Variants in CRACR2A observed in about 807,000 individuals in gnomAD.
CRACR2A encodes the protein EF-hand calcium-binding domain-containing protein 4B.
A neutral mutation model predicts 90.5 loss-of-function variants in CRACR2A; 79 were observed. The ratio of observed to expected loss-of-function variants is 0.87; its 90% CI spans 0.73 to 1.05. CRACR2A has a LOEUF of 1.05. CRACR2A is among the 50% of genes least tolerant of loss of function. The pLI, the probability that CRACR2A is intolerant of heterozygous loss-of-function variation, is 0.00. For synonymous variants in CRACR2A, 338 were observed against 356.7 expected (o/e 0.95, Z 0.59); for missense variants, 823 against 897.2 (o/e 0.92, Z 1.06).
At chr12:3,690,888 G>A (rs1215862596) in intron 4 of CRACR2A, among the ~76,000 whole-genome samples, 8 of 152,170 alleles carry the variant, frequency 5.3e-5, no homozygotes, top group Non-Finnish European at 1.5e-5. Flanking sequence ...TCTTCTTATT[G>A]AATTGAATCC....
At chr12:3,681,829 G>T (rs1378063835) in intron 4 of CRACR2A, among the ~76,000 whole-genome samples, 1 of 152,220 alleles carries the variant, frequency 6.6e-6, no homozygotes, top group Non-Finnish European at 1.5e-5. Context: ...TAATTTGGCA[G>T]GTACATGCAT....
At chr12:3,737,705 G>T (rs1320476347) in intron 1 of CRACR2A, among the ~76,000 whole-genome samples, 2 of 152,106 alleles carry the variant, frequency 1.3e-5, no homozygotes, top group African/African-American at 4.8e-5. Context: ...TAAGTGGGGG[G>T]AAGGAGCAGT....
intron 2 of CRACR2A, chr12:3,728,529 C>T (rs1320731662): frequency 6.6e-6 from 1 of 152,256 alleles, no homozygotes; most frequent in Non-Finnish European, 1.5e-5. Context: ...TGAGGTGTGA[C>T]TTCAGAGATC....
intron 7 of CRACR2A, 83 bp from the exon 8 acceptor site, chr12:3,659,737 C>T (rs1011797085): frequency 1.8e-6 from 2 of 1,100,848 alleles, no homozygotes; most frequent in Non-Finnish European, 2.8e-6. Flanking sequence ...ACCAGTTCCC[C>T]AACTCTGGAG....
chr12:3,668,794 C>G lies in CRACR2A; in HGVS notation c.671+4652G>C, dbSNP rs190606993. 1.9e-4 allele frequency among the ~76,000 whole-genome samples: 29 copies of G among 152,278 alleles called. No individual in the cohort carries two copies. The East Asian group carries it at 5.2e-3, about 27-fold the overall frequency. On this transcript the variant is annotated intron_variant, in intron 7 of 19. Coordinates refer to ENST00000440314, the MANE Select transcript of CRACR2A (RefSeq NM_001144958.2). Reference sequence around the variant, plus strand: ...CCAGAGCACAGGGAATCACCATGGACCGGAAGTGGCTCAATAGCAGCTGGT... The same window carrying G: ...CCAGAGCACAGGGAATCACCATGGAGCGGAAGTGGCTCAATAGCAGCTGGT...
intron 11 of CRACR2A, chr12:3,648,236 T>G: frequency 8.0e-7 from 1 of 1,255,192 alleles, no homozygotes; most frequent in East Asian, 3.0e-5. Context: ...AAATGCTCAT[T>G]AAACCCAGCT....
chr12:3,721,751 A>G (rs1946181189), intron 2 of CRACR2A, among the ~76,000 whole-genome samples: 1 of 152,228 alleles, frequency 6.6e-6, no homozygotes. Context: ...ATGTACCACA[A>G]TATCAATGGT....
At chr12:3,648,802 G>A (rs1565473396) in intron 10 of CRACR2A, among the ~76,000 whole-genome samples, 189 bp from the exon 11 acceptor site, 1 of 152,176 alleles carries the variant, frequency 6.6e-6, no homozygotes, top group Non-Finnish European at 1.5e-5. Flanking sequence ...TTTGGGAGGT[G>A]AACTTATCCT....
At chr12:3,632,015 TTGGAGGTGGGGCCTGGAGGGAGGTGAC>T (rs1270346814) in intron 15 of CRACR2A, among the ~76,000 whole-genome samples, 2 of 152,250 alleles carry the variant, frequency 1.3e-5, no homozygotes, top group Admixed American at 6.5e-5. Flanking sequence ...ATCCCCAGTG[TTGGAGGTGGGGCCTGGAGGGAGGTGAC>T]TGGATCATGG....
intron 7 of CRACR2A, among the ~76,000 whole-genome samples, chr12:3,668,975 C>T (rs1340808236): frequency 9.9e-5 from 15 of 152,218 alleles, no homozygotes; most frequent in African/African-American, 2.9e-4. Flanking sequence ...CAGGCAACAA[C>T]CAATGATGCC....
chr12:3,627,535 G>C lies in CRACR2A; in HGVS notation c.1833C>G (p.Thr611=). Residue 611 remains threonine (T), a synonymous_variant, in exon 17 of 20, where the codon ACC becomes ACG. Coordinates refer to ENST00000440314, the MANE Select transcript of CRACR2A (RefSeq NM_001144958.2). ...TAGQERYRCI[T]QQFFRKADGV... ...CATCTGCCTTTCTGAAGAACTGCTG[G>C]GTGATGCACCGGTACCTGCCACAGA... is the stretch of plus-strand genomic sequence containing the variant. The C allele has an allele frequency of 6.4e-7, 1 of 1,551,630 alleles. No homozygotes were observed. Among genetic ancestry groups the C allele is most frequent in the African/African-American group, 1.4e-5 (1 of 73,156 alleles).
intron 14 of CRACR2A, among the ~76,000 whole-genome samples, chr12:3,637,356 A>C (rs1449388892): frequency 6.6e-6 from 1 of 152,264 alleles, no homozygotes; most frequent in African/African-American, 2.4e-5. Context: ...GTAGGTGCCC[A>C]GTTAATGCTT....
At chr12:3,704,096 A>G (rs1466125012) in intron 3 of CRACR2A, among the ~76,000 whole-genome samples, 3 of 152,376 alleles carry the variant, frequency 2.0e-5, no homozygotes, top group Non-Finnish European at 4.4e-5. Flanking sequence ...AAGCATGTGT[A>G]CATACAAAGA....
chr12:3,720,464 A>AAAGCAAGCAAGCAAGC (rs1236159224), intron 2 of CRACR2A, among the ~76,000 whole-genome samples: 1 of 150,792 alleles, frequency 6.6e-6, no homozygotes, highest in African/African-American at 2.5e-5. Context: ...AGAAAGAAAG[A>AAAGCAAGCAAGCAAGC]AAGCAAAAGA....
chr12:3,720,225 A>AAAAGAAAGAAAGAAAGAAAG (rs757788405), intron 2 of CRACR2A, among the ~76,000 whole-genome samples: 73 of 125,572 alleles, frequency 5.8e-4, no homozygotes, highest in African/African-American at 2.2e-3. Flanking sequence ...AGAAGAAAGA[A>AAAAGAAAGAAAGAAAGAAAG]AAAGAAAGAA....
intron 4 of CRACR2A, among the ~76,000 whole-genome samples, chr12:3,682,510 G>A (rs1315211479): frequency 6.6e-6 from 1 of 152,166 alleles, no homozygotes; most frequent in East Asian, 1.9e-4. Flanking sequence ...GATGGGGAAA[G>A]CAATATTATA....
At position 3,654,210 on chromosome 12, in the gene CRACR2A, A is replaced by G. The variant is rs769140613; in HGVS notation, c.1046+2T>C. 64 of 1,611,050 alleles carry G rather than the reference A, an allele frequency of 4.0e-5. No individual in the cohort carries two copies. Among genetic ancestry groups the G allele is most frequent in the Non-Finnish European group, 5.4e-5 (64 of 1,179,084 alleles). On this transcript the variant is annotated splice_donor_variant, in intron 10 of 19. Transcript: ENST00000440314. LOFTEE classifies it high-confidence loss of function. ...AGAGGAGTGGACAAAGGCTGGACTCACATCTCCTTCTCTTGGTGGAGTTTG... is the reference window on the plus strand; with the variant it reads ...AGAGGAGTGGACAAAGGCTGGACTCGCATCTCCTTCTCTTGGTGGAGTTTG...
At chr12:3,699,887 T>G (rs929581323) in intron 3 of CRACR2A, among the ~76,000 whole-genome samples, 4 of 152,234 alleles carry the variant, frequency 2.6e-5, no homozygotes, top group African/African-American at 9.6e-5. Flanking sequence ...TTCAGGCAGG[T>G]AGCTCTATAT....
At chr12:3,710,570 G>A (rs1453954926) in intron 3 of CRACR2A, among the ~76,000 whole-genome samples, 2 of 151,980 alleles carry the variant, frequency 1.3e-5, no homozygotes, top group Non-Finnish European at 2.9e-5. Context: ...CAAGGTGGGT[G>A]GATCACAAGG....
Sources: allele counts gnomAD v4.1 joint callset (sites outside exome capture counted in the v4.1 genomes callset), GRCh38; gene constraint gnomAD v4.1.1; transcripts MANE v1.5; gene names NCBI Gene and HGNC (gene_info 2026-07-23, HGNC 2026-07-21).